MTA3: variants seen among roughly 807,000 people sequenced by gnomAD.
The protein encoded by MTA3 is metastasis associated 1 family member 3.
A neutral mutation model predicts 83.5 loss-of-function variants in MTA3; 34 were observed. The ratio of observed to expected loss-of-function variants is 0.41; its 90% CI spans 0.31 to 0.54. The LOEUF (loss-of-function observed/expected upper bound fraction) is 0.54, where lower values mean the gene tolerates loss of function less well. Ranked by LOEUF, MTA3 falls within the 20% of genes least tolerant of loss-of-function variation. The probability of loss-of-function intolerance (pLI) is 0.33; values close to 1 mark genes in which losing one functional copy is unlikely to be tolerated. For missense variants in MTA3, 761 were observed against 726.4 expected, an observed-to-expected ratio of 1.05 and a Z score of -0.55; for synonymous variants, 303 against 252.7, an observed-to-expected ratio of 1.20 and a Z score of -1.89.
chr2:42,749,046 G>T (rs1405207378), intron 16 of MTA3, among the ~76,000 whole-genome samples: 1 of 152,216 alleles, frequency 6.6e-6, no homozygotes, highest in Non-Finnish European at 1.5e-5. Context: ...TGAAGTCACT[G>T]CTCGGCTCCT....
chr2:42,646,205 C>T (rs1187207024), intron 6 of MTA3, among the ~76,000 whole-genome samples: 1 of 152,170 alleles, frequency 6.6e-6, no homozygotes, highest in African/African-American at 2.4e-5. Context: ...AAATTCTTTT[C>T]AAAAACTGCT....
upstream of MTA3, among the ~76,000 whole-genome samples, chr2:42,564,040 G>T (rs982980202): frequency 4.0e-5 from 6 of 150,146 alleles, no homozygotes; most frequent in Non-Finnish European, 7.4e-5. Flanking sequence ...GGCCAGGCTG[G>T]TCTTGAACTC....
chr2:42,674,790 G>A (rs1434500197), intron 8 of MTA3, among the ~76,000 whole-genome samples: 2 of 151,566 alleles, frequency 1.3e-5, no homozygotes. Context: ...GTAGAGGCGA[G>A]GTTTCACCAT....
intron 3 of MTA3, among the ~76,000 whole-genome samples, chr2:42,605,195 G>A (rs1181228386): frequency 1.4e-5 from 2 of 143,498 alleles, no homozygotes; most frequent in African/African-American, 5.1e-5. Flanking sequence ...CGGACGGGGC[G>A]GCTGGCCGGG....
chr2:42,686,234 C>CATATTTGGGTATAGATATTTTT (rs1475493643), intron 9 of MTA3, among the ~76,000 whole-genome samples: 1 of 152,160 alleles, frequency 6.6e-6, no homozygotes, highest in Non-Finnish European at 1.5e-5. Context: ...GTAGAAGGCA[C>CATATTTGGGTATAGATATTTTT]ATATTTGGGT....
At chr2:42,663,881 T>G (rs1166777962) in intron 8 of MTA3, among the ~76,000 whole-genome samples, 1 of 152,210 alleles carries the variant, frequency 6.6e-6, no homozygotes, top group Non-Finnish European at 1.5e-5. Context: ...GCTTAGTAAT[T>G]TTGAGGTCCG....
At chr2:42,500,750 A>G (rs558196872) in intron 2 of MTA3, among the ~76,000 whole-genome samples, 19 of 152,148 alleles carry the variant, frequency 1.2e-4, no homozygotes, top group African/African-American at 4.1e-4. Context: ...AGTACAGCAT[A>G]GTACATTACA....
At chr2:42,535,246 GCATGGTGGCACATGCCTGTAATCC>G (rs1375224339) in intron 2 of MTA3, among the ~76,000 whole-genome samples, 2 of 152,052 alleles carry the variant, frequency 1.3e-5, no homozygotes, top group African/African-American at 4.8e-5. Flanking sequence ...AATTAGCCAG[GCATGGTGGCACATGCCTGTAATCC>G]CAGCTACTCG....
rs60877713 is a variant in MTA3 at position 42,518,968 on chromosome 2, A to AACAC, written c.-141+23773_-141+23776dup. ...GTGACAGAGTGAGACCCTTTCTCAA[A>AACAC]ACACACACACACACACACACACACA... On this transcript the variant is annotated intron_variant, in intron 2 of 17. Transcript: ENST00000405592. Among the ~76,000 whole-genome samples, 129 of 114,680 alleles carry AACAC rather than the reference A, an allele frequency of 1.1e-3. 1 individual carries two copies. The highest frequency in any genetic ancestry group is 6.8e-3 in the East Asian group (24 of 3,542). The allele number at this position is 114,680 out of a possible 152,430, so 75.2% of individuals were successfully genotyped here. A position where few individuals can be genotyped will look rare whatever the true frequency, so the allele number is the denominator to read the frequency against.
intron 2 of MTA3, among the ~76,000 whole-genome samples, chr2:42,497,292 TA>T (rs1318298398): frequency 1.3e-5 from 2 of 150,122 alleles, no homozygotes; most frequent in African/African-American, 4.9e-5. Flanking sequence ...GTCCATACAA[TA>T]AAGTCCAAAT....
intron 1 of MTA3, among the ~76,000 whole-genome samples, chr2:42,569,146 G>C (rs1678165685): frequency 6.6e-6 from 1 of 150,506 alleles, no homozygotes; most frequent in African/African-American, 2.4e-5. Context: ...AGAGGATGAG[G>C]GGACATCCCC....
intron 6 of MTA3, among the ~76,000 whole-genome samples, chr2:42,645,175 C>CAAAAAA (rs1224226672): frequency 7.5e-5 from 3 of 39,860 alleles, no homozygotes; most frequent in Admixed American, 2.4e-4. Flanking sequence ...GACTCTGTCT[C>CAAAAAA]AAAAAAAAAA....
chr2:42,573,635 C>T (rs1308862816), intron 2 of MTA3, among the ~76,000 whole-genome samples: 2 of 151,972 alleles, frequency 1.3e-5, no homozygotes. Flanking sequence ...CTCAGCCTCC[C>T]GAATAGCTGG....
intron 15 of MTA3, among the ~76,000 whole-genome samples, chr2:42,720,544 G>T (rs760671969): frequency 6.6e-5 from 10 of 152,070 alleles, no homozygotes; most frequent in Non-Finnish European, 1.2e-4. Flanking sequence ...ATGTCACATG[G>T]TTATTGTACA....
Position 42,718,981 on chromosome 2 carries a change from T to C in MTA3, c.1526-7T>C. 6.5e-7 allele frequency: 1 copy of C among 1,547,392 alleles called. No individual in the cohort carries two copies. Among genetic ancestry groups the C allele is most frequent in the Non-Finnish European group, 8.7e-7 (1 of 1,144,272 alleles). ...TTGGTTATCTCCATGTTTCTTTCTC[T>C]CCTCAGATGCAGACAGACATGCTGA... On this transcript the variant is annotated splice_polypyrimidine_tract_variant and splice_region_variant and intron_variant, in intron 14 of 16. Coordinates refer to ENST00000405094, the MANE Select transcript of MTA3 (RefSeq NM_001330442.2).
At chr2:42,525,427 T>C (rs1321283250) in intron 2 of MTA3, among the ~76,000 whole-genome samples, 1 of 149,910 alleles carries the variant, frequency 6.7e-6, no homozygotes, top group Non-Finnish European at 1.5e-5. Flanking sequence ...CTTGCACTCC[T>C]GAGCTCAGGC....
At chr2:42,586,615 C>CAT (rs1474984497) in intron 3 of MTA3, among the ~76,000 whole-genome samples, 3 of 131,454 alleles carry the variant, frequency 2.3e-5, no homozygotes, top group Non-Finnish European at 4.9e-5. Flanking sequence ...CACACACACA[C>CAT]ATCGTTGGCT....
intron 2 of MTA3, among the ~76,000 whole-genome samples, chr2:42,549,696 CATATTAT>C (rs1161489881): frequency 8.6e-4 from 63 of 72,880 alleles, no homozygotes; most frequent in African/African-American, 3.3e-3. Context: ...ATTATATATA[CATATTAT>C]ATATTATATA....
chr2:42,510,224 G>A (rs555944709), intron 2 of MTA3, among the ~76,000 whole-genome samples: 52 of 151,946 alleles, frequency 3.4e-4, no homozygotes, highest in African/African-American at 1.2e-3. Flanking sequence ...TACTCGGGAG[G>A]GTGAGGCAGG....
Sources: allele counts gnomAD v4.1 joint callset (sites outside exome capture counted in the v4.1 genomes callset), GRCh38; gene constraint gnomAD v4.1.1; transcripts MANE v1.5; gene names NCBI Gene and HGNC (gene_info 2026-07-23, HGNC 2026-07-21).